Variants in ELMO1 observed in about 807,000 individuals in gnomAD.
ELMO1 encodes engulfment and cell motility 1, also known as engulfment and cell motility protein 1.
ELMO1 carries 26 observed loss-of-function variants against 98.9 expected under a neutral mutation model. That is an observed-to-expected ratio of 0.26 (90% CI 0.19 to 0.36). The LOEUF is 0.36. Ranked by LOEUF, ELMO1 falls within the 10% of genes least tolerant of loss-of-function variation. ELMO1 has a pLI of 1.00. For missense variants in ELMO1, 627 were observed against 935.2 expected (o/e 0.67, Z 4.30); for synonymous variants, 346 against 346.0 (o/e 1.00, Z 0.00).
At chr7:37,145,630 ACCAGTG>A (rs767990237) in intron 13 of ELMO1, among the ~76,000 whole-genome samples, 6 of 152,218 alleles carry the variant, frequency 3.9e-5, no homozygotes, top group Non-Finnish European at 8.8e-5. Context: ...TTTTTCAATT[ACCAGTG>A]CCATGCTAGT....
At chr7:37,172,602 A>G (rs536384169) in intron 13 of ELMO1, among the ~76,000 whole-genome samples, 1 of 152,362 alleles carries the variant, frequency 6.6e-6, no homozygotes, top group Non-Finnish European at 1.5e-5. Context: ...CTAAGCTACT[A>G]TCAGAAGGTA....
chr7:36,949,023 T>C (rs1230917847), intron 16 of ELMO1, among the ~76,000 whole-genome samples: 1 of 152,128 alleles, frequency 6.6e-6, no homozygotes, highest in Non-Finnish European at 1.5e-5. Flanking sequence ...GCCCAGCTAA[T>C]TTTTGTATTT....
chr7:37,404,213 T>G (rs1279120508), intron 1 of ELMO1, among the ~76,000 whole-genome samples: 1 of 152,080 alleles, frequency 6.6e-6, no homozygotes, highest in Non-Finnish European at 1.5e-5. Flanking sequence ...GCCAGCACTT[T>G]CCATCCTCAC....
At chr7:37,144,586 G>A (rs1787864480) in intron 13 of ELMO1, among the ~76,000 whole-genome samples, 1 of 152,100 alleles carries the variant, frequency 6.6e-6, no homozygotes, top group African/African-American at 2.4e-5. Flanking sequence ...TTACTGCAAA[G>A]CCTGTGTACC....
At chr7:37,132,785 C>T (rs1787015751) in intron 14 of ELMO1, among the ~76,000 whole-genome samples, 1 of 152,208 alleles carries the variant, frequency 6.6e-6, no homozygotes, top group Non-Finnish European at 1.5e-5. Flanking sequence ...TCAGACTCAA[C>T]AGCCTCTGAA....
intron 6 of ELMO1, among the ~76,000 whole-genome samples, chr7:37,248,826 C>A (rs902945317): frequency 6.3e-4 from 96 of 152,238 alleles, no homozygotes; most frequent in African/African-American, 2.2e-3. Flanking sequence ...CTAAGAGACA[C>A]CAAGTTCTCA....
At chr7:37,153,869 C>G (rs1202952536) in intron 13 of ELMO1, among the ~76,000 whole-genome samples, 1 of 152,180 alleles carries the variant, frequency 6.6e-6, no homozygotes, top group African/African-American at 2.4e-5. Flanking sequence ...GTCCCTGACC[C>G]CCGAGTAGCC....
At chr7:36,882,912 A>G (rs1804603832) in intron 18 of ELMO1, among the ~76,000 whole-genome samples, 1 of 152,168 alleles carries the variant, frequency 6.6e-6, no homozygotes, top group African/African-American at 2.4e-5. Flanking sequence ...CCTTTTTTTC[A>G]TGAAAATGAA....
intron 1 of ELMO1, among the ~76,000 whole-genome samples, chr7:37,445,730 G>T (rs1805587190): frequency 6.6e-6 from 1 of 152,044 alleles, no homozygotes; most frequent in Non-Finnish European, 1.5e-5. Context: ...CTTCTCCTAG[G>T]CATTTCTCAT....
chr7:37,015,579 C>T (rs1053043256), intron 15 of ELMO1, among the ~76,000 whole-genome samples: 4 of 151,942 alleles, frequency 2.6e-5, no homozygotes, highest in Non-Finnish European at 2.9e-5. Flanking sequence ...CCAGCCTGGG[C>T]GACAAGAGCG....
At chr7:37,333,959 C>T (rs944944072) in intron 2 of ELMO1, among the ~76,000 whole-genome samples, 8 of 152,166 alleles carry the variant, frequency 5.3e-5, no homozygotes, top group Non-Finnish European at 8.8e-5. Context: ...AAAGGACTCA[C>T]TAAAAGTTAC....
At chr7:36,936,475 G>C (rs926853479) in intron 16 of ELMO1, among the ~76,000 whole-genome samples, 2 of 152,074 alleles carry the variant, frequency 1.3e-5, no homozygotes, top group Admixed American at 1.3e-4. Flanking sequence ...TTATTTTTTA[G>C]AGATGGGGGT....
intron 8 of ELMO1, among the ~76,000 whole-genome samples, chr7:37,231,144 G>C (rs567590407): frequency 6.6e-6 from 1 of 152,256 alleles, no homozygotes; most frequent in East Asian, 1.9e-4. Flanking sequence ...TAAGGAAAGA[G>C]AGTTGATTCT....
At chr7:37,319,526 A>G (rs760737602) in intron 2 of ELMO1, among the ~76,000 whole-genome samples, 1 of 152,096 alleles carries the variant, frequency 6.6e-6, no homozygotes, top group Non-Finnish European at 1.5e-5. Flanking sequence ...CCTCTGACCC[A>G]GCACCCTTTC....
chr7:37,182,029 A>AC (rs1790894864), intron 13 of ELMO1, among the ~76,000 whole-genome samples: 1 of 151,128 alleles, frequency 6.6e-6, no homozygotes, highest in Non-Finnish European at 1.5e-5. Flanking sequence ...ATAAGAAAAA[A>AC]AAAATTAAAA....
At chr7:37,336,354 G>A (rs78440292) in intron 2 of ELMO1, among the ~76,000 whole-genome samples, 58 of 152,210 alleles carry the variant, frequency 3.8e-4, no homozygotes, top group Non-Finnish European at 7.2e-4. Flanking sequence ...CATTTGTCTC[G>A]TCTGTAGACA....
intron 16 of ELMO1, among the ~76,000 whole-genome samples, chr7:36,970,176 A>G (rs1789796592): frequency 2.3e-5 from 3 of 133,316 alleles, no homozygotes; most frequent in South Asian, 4.6e-4. Context: ...ACATTCATAC[A>G]CTTAACACAC....
intron 13 of ELMO1, among the ~76,000 whole-genome samples, chr7:37,177,943 G>T (rs536855149): frequency 2.8e-4 from 43 of 152,166 alleles, no homozygotes; most frequent in African/African-American, 1.0e-3. Context: ...CCAAACTCAA[G>T]ACAGCCAATG....
chr7:37,406,732 G>A (rs781574100), intron 1 of ELMO1, among the ~76,000 whole-genome samples: 2 of 152,042 alleles, frequency 1.3e-5, no homozygotes, highest in Non-Finnish European at 2.9e-5. Flanking sequence ...GGGAGCCATC[G>A]CACCAGGCCA....
Sources: gnomAD v4.1 joint callset for allele counts (sites outside exome capture counted in the v4.1 genomes callset) on GRCh38, gnomAD v4.1.1 for gene constraint, MANE v1.5 for transcripts, NCBI Gene and HGNC (gene_info 2026-07-23, HGNC 2026-07-21) for gene names.